The following TENM2 variants were observed in gnomAD, a reference collection of about 807,000 sequenced individuals.
The protein encoded by TENM2 is teneurin-2.
Under a neutral mutation model 245.2 loss-of-function variants are expected in TENM2, and 52 were observed. That is an observed-to-expected ratio of 0.21 (90% CI 0.17 to 0.27). The LOEUF (loss-of-function observed/expected upper bound fraction) is 0.27. TENM2 is among the 10% of genes least tolerant of loss of function. TENM2 has a pLI of 1.00. For missense variants in TENM2, 3,046 were observed against 3,666.8 expected, an observed-to-expected ratio of 0.83 and a Z score of 4.37; for synonymous variants, 1,363 against 1,438.9, an observed-to-expected ratio of 0.95 and a Z score of 1.19.
chr5:167,769,100 C>G (rs976160300), intron 2 of TENM2, among the ~76,000 whole-genome samples: 2 of 152,218 alleles, frequency 1.3e-5, no homozygotes, highest in Non-Finnish European at 2.9e-5. Flanking sequence ...TCTTAATGCT[C>G]TCAGTTTTTA....
chr5:167,656,686 T>C (rs990174365), intron 2 of TENM2, among the ~76,000 whole-genome samples: 5 of 152,122 alleles, frequency 3.3e-5, no homozygotes, highest in Admixed American at 3.3e-4. Flanking sequence ...TAAAACAAGT[T>C]GTGTGAAGGA....
chr5:167,290,787 AT>A (rs1754588008), intron 1 of TENM2, among the ~76,000 whole-genome samples: 2 of 151,944 alleles, frequency 1.3e-5, no homozygotes, highest in Admixed American at 1.3e-4. Context: ...AAAAAAATAG[AT>A]TGGAAAAACT....
intron 3 of TENM2, among the ~76,000 whole-genome samples, chr5:167,889,517 C>T (rs1256207875): frequency 1.3e-5 from 2 of 152,154 alleles, no homozygotes; most frequent in Non-Finnish European, 2.9e-5. Context: ...CCTTTTGCAT[C>T]TCCCTGGGGA....
the TENM2 span, among the ~76,000 whole-genome samples, chr5:167,255,073 C>CTTTT: frequency 7.2e-5 from 9 of 125,528 alleles, no homozygotes; most frequent in Non-Finnish European, 8.6e-5. Context: ...CTTTTCTTTT[C>CTTTT]TTTTTTTTTT....
At chr5:167,657,512 G>T (rs1754925312) in intron 2 of TENM2, among the ~76,000 whole-genome samples, 1 of 152,176 alleles carries the variant, frequency 6.6e-6, no homozygotes, top group African/African-American at 2.4e-5. Context: ...TAGTGGGATT[G>T]CTGGATCATA....
the TENM2 span, among the ~76,000 whole-genome samples, chr5:167,204,826 T>C: frequency 2.6e-5 from 4 of 152,120 alleles, no homozygotes; most frequent in African/African-American, 9.7e-5. Context: ...ACCCAGAAAA[T>C]TGTATTCTTA....
intron 2 of TENM2, among the ~76,000 whole-genome samples, chr5:167,634,800 C>A (rs902832717): frequency 1.3e-5 from 2 of 152,150 alleles, no homozygotes; most frequent in East Asian, 1.9e-4. Flanking sequence ...CCTCAAAAAC[C>A]TTTTCTTTAC....
chr5:167,306,549 T>C (rs565355924), intron 1 of TENM2: 7 of 151,756 alleles, frequency 4.6e-5, no homozygotes, highest in African/African-American at 1.7e-4. Flanking sequence ...CATCCCTGGT[T>C]GTACGGAACA....
intron 2 of TENM2, among the ~76,000 whole-genome samples, chr5:167,425,290 T>C (rs1278744421): frequency 6.6e-6 from 1 of 152,194 alleles, no homozygotes; most frequent in African/African-American, 2.4e-5. Context: ...GAATTGGTCT[T>C]CTGAGAGGCA....
chr5:167,684,902 G>T (rs1423133390), intron 2 of TENM2, among the ~76,000 whole-genome samples: 2 of 152,176 alleles, frequency 1.3e-5, no homozygotes, highest in African/African-American at 2.4e-5. Context: ...AGCTGAAGCC[G>T]TGAGCCTAAA....
At chr5:167,634,573 A>T (rs1360667079) in intron 2 of TENM2, among the ~76,000 whole-genome samples, 1 of 151,572 alleles carries the variant, frequency 6.6e-6, no homozygotes, top group Non-Finnish European at 1.5e-5. Context: ...TGCTGGTGCT[A>T]GGACTCACAT....
At chr5:167,659,385 A>T (rs918578838) in intron 2 of TENM2, among the ~76,000 whole-genome samples, 5 of 152,354 alleles carry the variant, frequency 3.3e-5, no homozygotes, top group Non-Finnish European at 4.4e-5. Context: ...TCAATTGTCA[A>T]CTAGAAATAT....
At chr5:167,737,549 T>A (rs1361833991) in intron 2 of TENM2, among the ~76,000 whole-genome samples, 1 of 152,176 alleles carries the variant, frequency 6.6e-6, no homozygotes, top group Non-Finnish European at 1.5e-5. Context: ...AAGTATTTAA[T>A]GTGTACCCGC....
chr5:167,137,415 A>T, the TENM2 span, among the ~76,000 whole-genome samples: 1 of 152,330 alleles, frequency 6.6e-6, no homozygotes, highest in South Asian at 2.1e-4. Flanking sequence ...CATAAAATAA[A>T]AATATGAAAA....
exon 19 of TENM2, chr5:168,204,471 G>T: frequency 6.2e-7 from 1 of 1,613,992 alleles, no homozygotes; most frequent in Non-Finnish European, 8.5e-7. Flanking sequence ...AGCATTTCCT[G>T]TCCCAGCTGC....
chr5:167,691,860 C>G (rs1757454532), intron 2 of TENM2, among the ~76,000 whole-genome samples: 2 of 152,098 alleles, frequency 1.3e-5, no homozygotes, highest in South Asian at 4.1e-4. Context: ...GCCCTGGTCC[C>G]AAACCAGTTG....
chr5:167,581,564 C>T (rs754448361), intron 2 of TENM2, among the ~76,000 whole-genome samples: 10 of 152,062 alleles, frequency 6.6e-5, no homozygotes, highest in Non-Finnish European at 1.0e-4. Context: ...TCTTAGTATT[C>T]GTATTTGTGT....
intron 2 of TENM2, among the ~76,000 whole-genome samples, chr5:167,784,078 T>G (rs1764396079): frequency 6.6e-6 from 1 of 152,196 alleles, no homozygotes; most frequent in South Asian, 2.1e-4. Flanking sequence ...AAATTAGGTT[T>G]AATTTAATTG....
chr5:168,162,096 C>T (rs1005790244), intron 12 of TENM2, among the ~76,000 whole-genome samples: 3 of 152,102 alleles, frequency 2.0e-5, no homozygotes, highest in Admixed American at 2.0e-4. Context: ...CCCAGCAGAA[C>T]CATCCAGTTT....
Sources: gnomAD v4.1 joint callset for allele counts (sites outside exome capture counted in the v4.1 genomes callset) on GRCh38, gnomAD v4.1.1 for gene constraint, MANE v1.5 for transcripts, NCBI Gene and HGNC (gene_info 2026-07-23, HGNC 2026-07-21) for gene names.